CA10: variants seen among roughly 807,000 people sequenced by gnomAD.
CA10 encodes carbonic anhydrase-related protein 10.
A neutral mutation model predicts 44.2 loss-of-function variants in CA10; 14 were observed. The observed-to-expected ratio is 0.32, with a 90% CI of 0.21 to 0.50. The LOEUF (loss-of-function observed/expected upper bound fraction) is 0.50. Ranked by LOEUF, CA10 falls within the 20% of genes least tolerant of loss-of-function variation. CA10 has a pLI of 0.99. For synonymous variants in CA10, 159 were observed against 141.6 expected (o/e 1.12, Z -0.87); for missense variants, 350 against 409.7 (o/e 0.85, Z 1.26).
chr17:52,157,721 C>A lies in CA10; in HGVS notation c.61+5G>T. On this transcript the variant is annotated splice_donor_5th_base_variant and intron_variant, in intron 1 of 8. Coordinates refer to ENST00000451037, the MANE Select transcript of CA10 (RefSeq NM_020178.5). ...ATCAGCCAGTGACTTCGGCGCGTCC[C>A]GTACCTGATATGCAGACGATGAAAT... 1 of 1,613,608 alleles carries A rather than the reference C, an allele frequency of 6.2e-7. No individual in the cohort carries two copies. Among genetic ancestry groups the A allele is most frequent in the Non-Finnish European group, 8.5e-7 (1 of 1,179,552 alleles).
At chr17:51,796,290 A>C (rs183742413) in intron 3 of CA10, among the ~76,000 whole-genome samples, 24 of 151,886 alleles carry the variant, frequency 1.6e-4, no homozygotes, top group Admixed American at 6.6e-4. Context: ...CATGGAAGTT[A>C]ATGAGAAAGC....
At chr17:51,847,276 G>T (rs1032298280) in intron 3 of CA10, among the ~76,000 whole-genome samples, 1 of 152,158 alleles carries the variant, frequency 6.6e-6, no homozygotes, top group African/African-American at 2.4e-5. Context: ...CTTCCCTCTT[G>T]CAGGGAAATC....
At chr17:51,809,437 A>G (rs1382944594) in intron 3 of CA10, among the ~76,000 whole-genome samples, 1 of 152,234 alleles carries the variant, frequency 6.6e-6, no homozygotes, top group Non-Finnish European at 1.5e-5. Context: ...CACAGAAGAG[A>G]TGCAAAAAAC....
intron 2 of CA10, among the ~76,000 whole-genome samples, chr17:52,039,731 A>C: frequency 6.6e-6 from 1 of 152,172 alleles, no homozygotes; most frequent in Non-Finnish European, 1.5e-5. Flanking sequence ...ATCATATGCT[A>C]AGTGTAAAAG....
chr17:51,720,953 T>TACTC (rs1916331095), intron 4 of CA10, among the ~76,000 whole-genome samples: 1 of 152,260 alleles, frequency 6.6e-6, no homozygotes, highest in Non-Finnish European at 1.5e-5. Context: ...TAGCTTGATT[T>TACTC]ACTCTTTCTA....
At chr17:52,042,647 G>A (rs1443483605) in intron 2 of CA10, among the ~76,000 whole-genome samples, 1 of 151,516 alleles carries the variant, frequency 6.6e-6, no homozygotes, top group Non-Finnish European at 1.5e-5. Flanking sequence ...CTGTGCTTTT[G>A]ATGTCATATT....
At chr17:51,930,947 G>T (rs2143993591) in intron 3 of CA10, 43 bp downstream of exon 3, 1 of 1,607,090 alleles carries the variant, frequency 6.2e-7, no homozygotes, top group East Asian at 2.2e-5. Flanking sequence ...AATCAAGATG[G>T]CCCCATCTTC....
At chr17:52,027,551 G>A (rs566981193) in intron 2 of CA10, among the ~76,000 whole-genome samples, 4 of 152,184 alleles carry the variant, frequency 2.6e-5, no homozygotes, top group African/African-American at 9.6e-5. Context: ...GGGGAAAGAC[G>A]ACATGCACAT....
intron 3 of CA10, among the ~76,000 whole-genome samples, chr17:51,882,996 T>C (rs1208866571): frequency 2.0e-5 from 3 of 152,184 alleles, no homozygotes. Flanking sequence ...GTTTGTATGA[T>C]AGATTTTATG....
At chr17:51,693,830 G>C (rs889985041) in intron 4 of CA10, among the ~76,000 whole-genome samples, 2 of 152,220 alleles carry the variant, frequency 1.3e-5, no homozygotes, top group African/African-American at 4.8e-5. Context: ...CTTTTTGGTA[G>C]AACAATTTAT....
chr17:51,871,050 C>CTTTTTTTT, intron 3 of CA10, among the ~76,000 whole-genome samples: 1 of 94,854 alleles, frequency 1.1e-5, no homozygotes, highest in Non-Finnish European at 2.2e-5. Flanking sequence ...TCCCACTTTA[C>CTTTTTTTT]TTTTTTTTTT....
chr17:51,961,919 A>ATC (rs1355195458), intron 2 of CA10, among the ~76,000 whole-genome samples: 1 of 151,802 alleles, frequency 6.6e-6, no homozygotes, highest in Non-Finnish European at 1.5e-5. Flanking sequence ...CCTTTCCTGC[A>ATC]CAGAAATCAT....
chr17:51,744,783 A>G (rs1171926465), intron 4 of CA10, among the ~76,000 whole-genome samples: 2 of 152,168 alleles, frequency 1.3e-5, no homozygotes, highest in Non-Finnish European at 2.9e-5. Flanking sequence ...CCCTTATGCT[A>G]CACAGAAGAT....
In CA10 at chr17:51,856,798, T is replaced by C. The variant is rs147507966; in HGVS notation, c.279+74192A>G. Among the ~76,000 whole-genome samples the C allele has an allele frequency of 4.0e-4, 61 of 152,298 alleles. 2 individuals carry two copies. In the East Asian group the frequency reaches 8.1e-3, roughly 20 times the overall value. On this transcript the variant is annotated intron_variant, in intron 3 of 8. Transcript: ENST00000451037. ...GGAACCCCAAGTTGAATCAGGGGGC[T>C]TATGAAAGGCTCCAAAGCGGGGGAG... is the stretch of plus-strand genomic sequence containing the variant.
intron 4 of CA10, among the ~76,000 whole-genome samples, chr17:51,735,944 CAGA>C (rs201150385): frequency 0.034 from 5,144 of 152,100 alleles, 123 homozygotes; most frequent in Non-Finnish European, 0.054. Context: ...GGAAGGACTA[CAGA>C]AGAACACAGA....
intron 2 of CA10, among the ~76,000 whole-genome samples, chr17:52,017,287 G>A (rs1985998138): frequency 6.6e-6 from 1 of 152,134 alleles, no homozygotes; most frequent in Non-Finnish European, 1.5e-5. Flanking sequence ...AGGAAGGCAG[G>A]AAGAAAGATG....
At chr17:52,129,954 G>A (rs925376722) in intron 1 of CA10, among the ~76,000 whole-genome samples, 1 of 152,080 alleles carries the variant, frequency 6.6e-6, no homozygotes, top group African/African-American at 2.4e-5. Flanking sequence ...AAACTCAATA[G>A]TAATAAAACA....
At chr17:51,888,054 C>A (rs1980692167) in intron 3 of CA10, among the ~76,000 whole-genome samples, 1 of 150,910 alleles carries the variant, frequency 6.6e-6, no homozygotes, top group Non-Finnish European at 1.5e-5. Context: ...CAAAACAAAA[C>A]AAAAAAAACT....
chr17:51,991,934 A>G lies in CA10; in HGVS notation c.137-60802T>C, dbSNP rs539662036. On this transcript the variant is annotated intron_variant, in intron 2 of 8. Transcript: ENST00000451037. The stretch of plus-strand genomic sequence containing the variant: ...CTCTCACCTATCTCTGCGGCCCTCC[A>G]TCACAGACCTTATTCACTTAACTGC... Among the ~76,000 whole-genome samples, 250 of 152,156 alleles carry G rather than the reference A, an allele frequency of 1.6e-3. 1 individual carries two copies. The highest frequency in any genetic ancestry group is 5.9e-3 in the African/African-American group (246 of 41,550).
Sources: gnomAD v4.1 joint callset for allele counts (sites outside exome capture counted in the v4.1 genomes callset) on GRCh38, gnomAD v4.1.1 for gene constraint, MANE v1.5 for transcripts, NCBI Gene and HGNC (gene_info 2026-07-23, HGNC 2026-07-21) for gene names.